UVSSA: variants seen among roughly 807,000 people sequenced by gnomAD.
The protein encoded by UVSSA is UV stimulated scaffold protein A, also known as UV-stimulated scaffold protein A.
A neutral mutation model predicts 73.9 loss-of-function variants in UVSSA; 72 were observed. That is an observed-to-expected ratio of 0.97 (90% CI 0.81 to 1.19). UVSSA has a LOEUF of 1.19. UVSSA is among the 50% of genes most tolerant of loss of function. UVSSA has a pLI of 0.00. For synonymous variants in UVSSA, 454 were observed against 391.3 expected, an observed-to-expected ratio of 1.16 and a Z score of -1.89; for missense variants, 1,150 against 965.0, an observed-to-expected ratio of 1.19 and a Z score of -2.54.
chr4:1,373,356 G>A (rs1037334304), intron 8 of UVSSA, among the ~76,000 whole-genome samples: 14 of 152,124 alleles, frequency 9.2e-5, no homozygotes, highest in East Asian at 1.9e-4. Flanking sequence ...AGGCGAGGCC[G>A]TCCCTCCTTT....
chr4:1,351,810 C>T lies in UVSSA; in HGVS notation c.525C>T (p.Ala175=). The stretch of plus-strand genomic sequence containing the variant: ...TGGATAAAATTTATCAAGAAAGAGC[C>T]AGCCAGGCGGAGAGGGAGATGCAAG... ...KHLDKIYQER[A]SQAEREMQEM... The change falls in exon 4 of 14, where the codon GCC becomes GCT. Residue 175 remains alanine, a synonymous_variant. Transcript: ENST00000389851. 8 of 1,613,542 alleles carry T rather than the reference C, an allele frequency of 5.0e-6. No individual in the cohort carries two copies. The highest frequency in any genetic ancestry group is 6.8e-6 in the Non-Finnish European group (8 of 1,179,782).
intron 13 of UVSSA, 125 bp from the exon 14 acceptor site, chr4:1,385,743 G>A: frequency 2.1e-6 from 2 of 949,438 alleles, no homozygotes; most frequent in Non-Finnish European, 3.3e-6. Context: ...CCCACAGGCA[G>A]TCTGTCAGTG....
At chr4:1,394,896 A>T in exon 14 of UVSSA, 1 of 1,469,484 alleles carries the variant, frequency 6.8e-7, no homozygotes, top group Non-Finnish European at 8.9e-7. Context: ...CCGCCTGCTC[A>T]CACGTGCCCA....
At position 1,347,956 on chromosome 4, in the gene UVSSA, C is replaced by T. The variant is rs115755535; in HGVS notation, c.-2-134C>T. On this transcript the variant is annotated intron_variant, in intron 1 of 13. Coordinates refer to ENST00000389851, the MANE Select transcript of UVSSA (RefSeq NM_020894.4). ...GACACACATATTTCCCAGAGAGGCA[C>T]CCACAGATGGACCCCAGCCTCAGGG... 3,292 of 709,136 alleles carry T rather than the reference C, an allele frequency of 4.6e-3. 92 individuals carry two copies. In the African/African-American group the frequency reaches 0.051, roughly 11 times the overall value. The allele number at this position is 709,136 out of a possible 1,614,324, so 43.9% of individuals were successfully genotyped here.
exon 14 of UVSSA, chr4:1,394,777 G>A (rs13097): frequency 2.6e-6 from 4 of 1,562,198 alleles, no homozygotes; most frequent in East Asian, 2.4e-5. Context: ...CTGCTCACAT[G>A]TGCCGATGTG....
At chr4:1,371,225 G>A (rs181155961) in intron 8 of UVSSA, among the ~76,000 whole-genome samples, 58 of 151,780 alleles carry the variant, frequency 3.8e-4, no homozygotes, top group Middle Eastern at 3.4e-3. Context: ...CAGCTCACCC[G>A]TGTTCAGTGA....
At chr4:1,347,838 C>T (rs909398474) in intron 1 of UVSSA, 78 bp downstream of exon 1, 5 of 445,598 alleles carry the variant, frequency 1.1e-5, no homozygotes, top group East Asian at 4.0e-5. Context: ...TAACGCACGA[C>T]CCTCAATGCA....
exon 14 of UVSSA, chr4:1,395,688 G>A (rs1720534545): frequency 6.2e-7 from 1 of 1,613,782 alleles, no homozygotes; most frequent in Non-Finnish European, 8.5e-7. Context: ...CCCATGTGGA[G>A]TGCCCGCCTG....
chr4:1,355,313 G>A, intron 7 of UVSSA, 68 bp downstream of exon 7: 1 of 1,467,148 alleles, frequency 6.8e-7, no homozygotes, highest in Non-Finnish European at 9.3e-7. Flanking sequence ...AGCTGTGGGG[G>A]GGTTGTGCCC....
Position 1,376,045 on chromosome 4 carries a change from C to T in UVSSA, c.1445C>T (p.Ala482Val), listed in dbSNP as rs372761159. ...CTCTGCTCCTGTAGCCCCTCCAGAGCGTTGCCAGAGCCACAGGAGGCCCAG... is the reference window on the plus strand; with the variant it reads ...CTCTGCTCCTGTAGCCCCTCCAGAGTGTTGCCAGAGCCACAGGAGGCCCAG... ...PPPSSASPSR[A>V]LPEPQEAQKL... is the part of the protein sequence containing the mutation. Residue 482 changes from alanine to valine, a missense_variant, in exon 10 of 14, where the codon GCG becomes GTG. Ala to Val is a moderately conservative substitution (Grantham distance 64, BLOSUM62 0). Coordinates refer to ENST00000389851, the MANE Select transcript of UVSSA (RefSeq NM_020894.4). 2.9e-5 allele frequency: 46 copies of T among 1,596,928 alleles called. No homozygotes were observed. The highest frequency in any genetic ancestry group is 8.6e-5 in the Admixed American group (5 of 58,336).
chr4:1,395,502 G>C (rs1487620165), exon 14 of UVSSA: 2 of 1,594,142 alleles, frequency 1.3e-6, no homozygotes, highest in Non-Finnish European at 8.5e-7. Context: ...TGGAGTGCCC[G>C]CCTGCTCACA....
In UVSSA at chr4:1,349,953, A is replaced by G. The variant is rs750755892; in HGVS notation, c.429+99A>G. 165 of 1,171,500 alleles carry G rather than the reference A, an allele frequency of 1.4e-4. 1 individual carries two copies. Among genetic ancestry groups the G allele is most frequent in the Non-Finnish European group, 1.8e-4 (159 of 860,790 alleles). The allele number at this position is 1,171,500 out of a possible 1,614,324, so 72.6% of individuals were successfully genotyped here. On this transcript the variant is annotated intron_variant, in intron 3 of 13. Transcript: ENST00000389851. ...ATGCGCCTCCTGTTGAACCTAGCAC[A>G]GCAGGGGCCTGCTTGGCCTTGCCTG...
At chr4:1,394,648 C>T in exon 14 of UVSSA, 1 of 1,519,426 alleles carries the variant, frequency 6.6e-7, no homozygotes. Context: ...CCCGCCTGCT[C>T]ACACATGCCC....
chr4:1,393,268 A>G (rs1720446455), exon 14 of UVSSA: 1 of 152,148 alleles, frequency 6.6e-6, no homozygotes, highest in Admixed American at 6.5e-5. Flanking sequence ...CCAAACTTCC[A>G]TTTGGCTCTC....
In UVSSA at chr4:1,386,253, T is replaced by C. The variant is rs1372364403; in HGVS notation, c.*292T>C. ...CTGCGAGTCCTCGTGAGACCAGTGC[T>C]TGTCGTGGTGTGGGGTTCAGCACGG... On this transcript the variant is annotated 3_prime_UTR_variant, in exon 14 of 14. Transcript: ENST00000389851. 1 of 371,744 alleles carries C rather than the reference T, an allele frequency of 2.7e-6. No individual in the cohort carries two copies. The highest frequency in any genetic ancestry group is 2.9e-5 in the South Asian group (1 of 35,066). The allele number at this position is 371,744 out of a possible 1,614,324, so 23.0% of individuals were successfully genotyped here.
At chr4:1,342,377 A>G (rs1212055445), upstream of UVSSA, among the ~76,000 whole-genome samples, 1 of 152,090 alleles carries the variant, frequency 6.6e-6, no homozygotes, top group Non-Finnish European at 1.5e-5. Context: ...TAATTTACAT[A>G]TTTGTCTATT....
chr4:1,353,047 G>T lies in UVSSA; in HGVS notation c.568G>T (p.Glu190Ter). 1 of 1,610,756 alleles carries T rather than the reference G, an allele frequency of 6.2e-7. No individual in the cohort carries two copies. Among genetic ancestry groups the T allele is most frequent in the Non-Finnish European group, 8.5e-7 (1 of 1,178,646 alleles). The change falls in exon 5 of 14, where the codon GAA becomes TAA. Residue 190 changes from glutamate to a stop codon, truncating the protein, a stop_gained. Coordinates refer to ENST00000389851, the MANE Select transcript of UVSSA (RefSeq NM_020894.4). LOFTEE classifies it high-confidence loss of function. ...TCCGGCAGAAATGTCTGGAGAAATT[G>T]AATCCTGCTTGACGGAGGTAGAGAG... ...REMQEMSGEI[E>*]SCLTEVESCF...
rs987383576 is a variant in UVSSA, at chr4:1,349,760, C to T, written c.335C>T (p.Ala112Val). Residue 112 changes from alanine (A) to valine (V), a missense_variant, in exon 3 of 14, where the codon GCG (alanine) becomes GTG (valine). Physicochemically the swap from Ala to Val is moderately conservative, Grantham distance 64. Transcript: ENST00000389851. ...PREAAQRLRQ[A>V]TTRAVEGWNE... ...GAGGCGGCACAGAGGCTGAGGCAGG[C>T]GACCACCCGGGCCGTGGAAGGGTGG... The T allele has an allele frequency of 5.0e-6, 8 of 1,609,676 alleles. No individual in the cohort carries two copies. The highest frequency in any genetic ancestry group is 1.3e-5 in the African/African-American group (1 of 74,636).
chr4:1,353,156 C>G lies in UVSSA; in HGVS notation c.677C>G (p.Ala226Gly). 1 of 1,613,020 alleles carries G rather than the reference C, an allele frequency of 6.2e-7. No homozygotes were observed. The highest frequency in any genetic ancestry group is 8.5e-7 in the Non-Finnish European group (1 of 1,180,024). Residue 226 changes from alanine (A) to glycine (G), a missense_variant, in exon 5 of 14, where the codon GCC becomes GGC. Ala to Gly is a moderately conservative substitution (Grantham distance 60). Coordinates refer to ENST00000389851, the MANE Select transcript of UVSSA (RefSeq NM_020894.4). ...SLGMASGMSD[A>G]LRSSCAGQVG... ...GGCATGGCTTCTGGCATGTCCGATGCCCTTCGCTCCTCCTGCGCGGGCCAG... is the reference window on the plus strand; with the variant it reads ...GGCATGGCTTCTGGCATGTCCGATGGCCTTCGCTCCTCCTGCGCGGGCCAG...
Sources: allele counts gnomAD v4.1 joint callset (sites outside exome capture counted in the v4.1 genomes callset), GRCh38; gene constraint gnomAD v4.1.1; transcripts MANE v1.5; gene names NCBI Gene and HGNC (gene_info 2026-07-23, HGNC 2026-07-21).